Variants in ADK observed in about 807,000 individuals in gnomAD.
ADK encodes the protein N6,N6-dimethyladenosine kinase.
In ADK, 24 loss-of-function variants were observed where a neutral mutation model predicts 44.7. The observed-to-expected ratio is 0.54, with a 90% CI of 0.39 to 0.76. ADK has a LOEUF of 0.76. ADK is among the 30% of genes least tolerant of loss of function. The pLI, the probability that ADK is intolerant of heterozygous loss-of-function variation, is 0.00. For missense variants in ADK, 321 were observed against 425.1 expected (o/e 0.76, Z 2.15); for synonymous variants, 128 against 142.6 (o/e 0.90, Z 0.73).
In ADK at chr10:74,200,263, G is replaced by A. The variant is rs192313761; in HGVS notation, c.66-501G>A. ...TTTTGGGAGGCTAAGGCAGGTGGAT[G>A]TGCTGAGGTCAGGAGTTCGAGACCA... On this transcript the variant is annotated intron_variant, in intron 1 of 10. Coordinates refer to ENST00000539909, the MANE Select transcript of ADK (RefSeq NM_006721.4). 2.6e-3 allele frequency among the ~76,000 whole-genome samples: 386 copies of A among 147,970 alleles called. 1 individual carries two copies. The highest frequency in any genetic ancestry group is 0.015 in the South Asian group (68 of 4,676).
intron 6 of ADK, among the ~76,000 whole-genome samples, chr10:74,514,673 G>T (rs1848490209): frequency 6.6e-6 from 1 of 151,582 alleles, no homozygotes; most frequent in African/African-American, 2.4e-5. Flanking sequence ...ACTTTGTTGA[G>T]TTATCTATCG....
At chr10:74,206,832 A>T (rs1489287430) in intron 2 of ADK, among the ~76,000 whole-genome samples, 1 of 152,144 alleles carries the variant, frequency 6.6e-6, no homozygotes, top group East Asian at 1.9e-4. Flanking sequence ...CAGCTGTGTG[A>T]TGATGTCACA....
chr10:74,686,078 C>T (rs1469608358), intron 10 of ADK, among the ~76,000 whole-genome samples: 4 of 152,138 alleles, frequency 2.6e-5, no homozygotes, highest in Non-Finnish European at 4.4e-5. Flanking sequence ...TCTCCTTCCT[C>T]AGCCTCCCGA....
At chr10:74,245,983 T>C (rs934032980) in intron 3 of ADK, among the ~76,000 whole-genome samples, 10 of 152,274 alleles carry the variant, frequency 6.6e-5, no homozygotes, top group South Asian at 4.2e-4. Context: ...ATCACAGTTA[T>C]GATGCATTCT....
intron 9 of ADK, among the ~76,000 whole-genome samples, chr10:74,658,640 G>A (rs1854582568): frequency 6.6e-6 from 1 of 151,834 alleles, no homozygotes; most frequent in Non-Finnish European, 1.5e-5. Context: ...TGTTGTGCAG[G>A]CTGGTCTCAA....
chr10:74,163,886 C>T (rs756571455), intron 1 of ADK, among the ~76,000 whole-genome samples: 25 of 152,170 alleles, frequency 1.6e-4, no homozygotes, highest in Admixed American at 4.6e-4. Context: ...AGGAAGTCTT[C>T]TCCTAAAATA....
chr10:74,568,937 C>A (rs968131609), intron 7 of ADK, among the ~76,000 whole-genome samples: 1 of 149,082 alleles, frequency 6.7e-6, no homozygotes, highest in Admixed American at 6.7e-5. Context: ...TCCCCCAACC[C>A]CACAACAGGC....
At chr10:74,383,041 C>T (rs1471299203) in intron 4 of ADK, among the ~76,000 whole-genome samples, 1 of 151,948 alleles carries the variant, frequency 6.6e-6, no homozygotes, top group Non-Finnish European at 1.5e-5. Context: ...AAGATTCATA[C>T]TCCTTCTTAG....
At chr10:74,313,281 A>G (rs1229176444) in intron 3 of ADK, among the ~76,000 whole-genome samples, 1 of 152,068 alleles carries the variant, frequency 6.6e-6, no homozygotes, top group African/African-American at 2.4e-5. Context: ...AAAGTCATAC[A>G]CCACTTTACT....
At chr10:74,575,399 A>G (rs888816760) in intron 7 of ADK, among the ~76,000 whole-genome samples, 6 of 152,216 alleles carry the variant, frequency 3.9e-5, no homozygotes. Context: ...TTCTTTTACA[A>G]TGCAGAAAGC....
At chr10:74,550,841 A>G (rs1285630933) in intron 7 of ADK, among the ~76,000 whole-genome samples, 3 of 152,296 alleles carry the variant, frequency 2.0e-5, no homozygotes, top group Non-Finnish European at 4.4e-5. Context: ...ATCATATGCT[A>G]TGCTCAAATG....
intron 6 of ADK, among the ~76,000 whole-genome samples, chr10:74,480,569 A>C (rs1847032078): frequency 6.6e-6 from 1 of 151,678 alleles, no homozygotes. Flanking sequence ...ATGAGCCACC[A>C]CACCCAGTCC....
chr10:74,430,181 T>G (rs1212297617), intron 6 of ADK, among the ~76,000 whole-genome samples: 1 of 152,172 alleles, frequency 6.6e-6, no homozygotes, highest in African/African-American at 2.4e-5. Context: ...TGACATAATT[T>G]GTAGATTCAC....
At chr10:74,613,582 A>G (rs1023931420) in intron 9 of ADK, among the ~76,000 whole-genome samples, 3 of 152,062 alleles carry the variant, frequency 2.0e-5, no homozygotes, top group Non-Finnish European at 4.4e-5. Context: ...TATTGACGTT[A>G]CTTGTCTTCA....
At chr10:74,224,722 A>G (rs1159646437) in intron 3 of ADK, 131 bp downstream of exon 3, 1 of 745,378 alleles carries the variant, frequency 1.3e-6, no homozygotes, top group Non-Finnish European at 2.3e-6. Context: ...CTTAATCCTA[A>G]CAATTATGAT....
At chr10:74,344,126 C>T (rs1841679284) in intron 4 of ADK, among the ~76,000 whole-genome samples, 1 of 152,056 alleles carries the variant, frequency 6.6e-6, no homozygotes, top group Non-Finnish European at 1.5e-5. Flanking sequence ...ATATGAGTAT[C>T]AGTCTGTAGT....
At chr10:74,323,329 A>G (rs1840882156) in intron 4 of ADK, among the ~76,000 whole-genome samples, 1 of 152,234 alleles carries the variant, frequency 6.6e-6, no homozygotes, top group Non-Finnish European at 1.5e-5. Flanking sequence ...CATTTAAATG[A>G]TACAGTGGTA....
chr10:74,161,289 C>T (rs1841890187), intron 1 of ADK, among the ~76,000 whole-genome samples: 1 of 152,118 alleles, frequency 6.6e-6, no homozygotes, highest in African/African-American at 2.4e-5. Flanking sequence ...GCAACATTCA[C>T]CTCTCAGGTT....
At chr10:74,306,966 A>G (rs1393653726) in intron 3 of ADK, among the ~76,000 whole-genome samples, 2 of 152,154 alleles carry the variant, frequency 1.3e-5, no homozygotes, top group African/African-American at 2.4e-5. Context: ...CAATGTTACT[A>G]CTTCAGCCTT....
Sources: gnomAD v4.1 joint callset for allele counts (sites outside exome capture counted in the v4.1 genomes callset) on GRCh38, gnomAD v4.1.1 for gene constraint, MANE v1.5 for transcripts, NCBI Gene and HGNC (gene_info 2026-07-23, HGNC 2026-07-21) for gene names.